ZFYVE28: variants seen among roughly 807,000 people sequenced by gnomAD.
ZFYVE28 encodes lateral signaling target protein 2 homolog.
ZFYVE28 carries 40 observed loss-of-function variants against 82.1 expected under a neutral mutation model. The observed-to-expected ratio is 0.49, with a 90% CI of 0.38 to 0.63. ZFYVE28 has a LOEUF of 0.63. ZFYVE28 is among the 30% of genes least tolerant of loss of function. ZFYVE28 has a pLI of 0.00. For missense variants in ZFYVE28, 1,321 were observed against 1,242.1 expected, an observed-to-expected ratio of 1.06 and a Z score of -0.96; for synonymous variants, 612 against 546.1, an observed-to-expected ratio of 1.12 and a Z score of -1.68.
chr4:2,350,555 T>G (rs1357900335), intron 2 of ZFYVE28, among the ~76,000 whole-genome samples: 1 of 152,154 alleles, frequency 6.6e-6, no homozygotes, highest in East Asian at 1.9e-4. Flanking sequence ...CTAAAAAGCC[T>G]TGGACTCTCC....
At chr4:2,311,693 A>G (rs1344173112) in intron 7 of ZFYVE28, among the ~76,000 whole-genome samples, 3 of 152,156 alleles carry the variant, frequency 2.0e-5, no homozygotes, top group African/African-American at 7.2e-5. Flanking sequence ...TATATAATTG[A>G]ATTTCATCCT....
intron 1 of ZFYVE28, among the ~76,000 whole-genome samples, chr4:2,382,233 A>T (rs1728798677): frequency 6.6e-6 from 1 of 152,228 alleles, no homozygotes. Flanking sequence ...GCCCCCACAC[A>T]GAGTCCCTAC....
At chr4:2,276,321 C>T (rs1736442050) in intron 8 of ZFYVE28, among the ~76,000 whole-genome samples, 1 of 152,214 alleles carries the variant, frequency 6.6e-6, no homozygotes, top group African/African-American at 2.4e-5. Flanking sequence ...GTGGCTCTCC[C>T]CTCCCAGGTG....
At chr4:2,401,470 G>A (rs1327089057) in intron 1 of ZFYVE28, among the ~76,000 whole-genome samples, 2 of 152,194 alleles carry the variant, frequency 1.3e-5, no homozygotes, top group Non-Finnish European at 2.9e-5. Context: ...TCCCGGCCGG[G>A]CAGCACTCAG....
intron 1 of ZFYVE28, among the ~76,000 whole-genome samples, chr4:2,363,675 C>T (rs561204175): frequency 1.1e-4 from 16 of 152,178 alleles, no homozygotes; most frequent in Non-Finnish European, 1.6e-4. Context: ...AGGTCACCAG[C>T]GCATGGAGGA....
At chr4:2,303,932 C>T (rs1476515234) in intron 8 of ZFYVE28, among the ~76,000 whole-genome samples, 2 of 152,250 alleles carry the variant, frequency 1.3e-5, no homozygotes, top group Non-Finnish European at 2.9e-5. Flanking sequence ...TCCCACTGCC[C>T]CGCACAGGCA....
In ZFYVE28 at chr4:2,373,944, C is replaced by A. The variant is rs1048333591; in HGVS notation, c.40-19871G>T. ...GCCTCCCTGTGTCCTCTCTCCTCAG[C>A]ACCGCCCCCCATCTCTCCCAGCCCC... On this transcript the variant is annotated intron_variant, in intron 1 of 12. Transcript: ENST00000290974. 7.9e-5 allele frequency among the ~76,000 whole-genome samples: 12 copies of A among 152,198 alleles called. 1 individual carries two copies. Among genetic ancestry groups the A allele is most frequent in the Middle Eastern group, 3.2e-3 (1 of 316 alleles).
At chr4:2,356,419 GTGTGCCCGCCCCCTCCCCGGCCGTTGA>G (rs143295648) in intron 1 of ZFYVE28, among the ~76,000 whole-genome samples, 81,115 of 148,090 alleles carry the variant, frequency 0.55, 22,427 homozygotes, top group East Asian at 0.67. Flanking sequence ...CCGGCAGTTG[GTGTGCCCGCCCCCTCCCCGGCCGTTGA>G]TGTGCCTGCC....
At position 2,409,382 on chromosome 4, in the gene ZFYVE28, A is replaced by G. The variant is rs1216091265; in HGVS notation, c.39+8903T>C. On this transcript the variant is annotated intron_variant, in intron 1 of 12. Transcript: ENST00000290974. The surrounding 1 kb of genome is among the most constrained non-coding windows in gnomAD (Gnocchi z 4.4). Reference sequence around the variant, plus strand: ...GCAGGCCTGGAAGGACCCCGCAAACAGCAGTGCTGACCCCATCATGCCCCC... The same window carrying G: ...GCAGGCCTGGAAGGACCCCGCAAACGGCAGTGCTGACCCCATCATGCCCCC... Among the ~76,000 whole-genome samples, 2 of 151,990 alleles carry G rather than the reference A, an allele frequency of 1.3e-5. No homozygotes were observed. Among genetic ancestry groups the G allele is most frequent in the African/African-American group, 4.8e-5 (2 of 41,346 alleles).
In ZFYVE28 at chr4:2,270,747, T is replaced by C; in HGVS notation, c.2642A>G (p.Tyr881Cys). Residue 881 changes from tyrosine (Y) to cysteine (C), a missense_variant, in exon 13 of 13, where the codon TAC (tyrosine) becomes TGC (cysteine). Coordinates refer to ENST00000290974, the MANE Select transcript of ZFYVE28 (RefSeq NM_020972.3). ...ACGTCACAGGCCGGCCTTGTCGCTG[T>C]AGAAGGGCGTGACATGGAACATGTA... ...HCYMFHVTPF[Y>C]SDKAGL 1 of 1,613,152 alleles carries C rather than the reference T, an allele frequency of 6.2e-7. No homozygotes were observed. The highest frequency in any genetic ancestry group is 1.7e-4 in the Middle Eastern group (1 of 6,060).
intron 1 of ZFYVE28, among the ~76,000 whole-genome samples, chr4:2,401,280 G>A (rs1156489513): frequency 1.3e-5 from 2 of 152,202 alleles, no homozygotes; most frequent in African/African-American, 4.8e-5. Flanking sequence ...CCAAGGGGGA[G>A]GTGCCGATTC....
Position 2,273,254 on chromosome 4 carries a change from C to T in ZFYVE28, c.2242G>A (p.Asp748Asn). Residue 748 changes from aspartate (D) to asparagine (N), a missense_variant, in exon 10 of 13, where the codon GAC (aspartate) becomes AAC (asparagine). Coordinates refer to ENST00000290974, the MANE Select transcript of ZFYVE28 (RefSeq NM_020972.3). ...ADQLQTNYAS[D>N]LRSILKTLFE... ...AGTGTTTTAAGAATACTTCTCAGGT[C>T]ACTGGCATAGTTCGTCTGCAGCTGG... is the stretch of plus-strand genomic sequence containing the variant. 1 of 1,613,440 alleles carries T rather than the reference C, an allele frequency of 6.2e-7. No homozygotes were observed.
chr4:2,346,813 T>A, intron 2 of ZFYVE28, among the ~76,000 whole-genome samples: 1 of 148,428 alleles, frequency 6.7e-6, no homozygotes. Context: ...TACATAAAAA[T>A]TAAGAGAGGA....
Position 2,271,122 on chromosome 4 carries a change from C to T in ZFYVE28, c.2532+189G>A, listed in dbSNP as rs1328285622. ...TGCAGCAGCCGGGACTGGACATGGG[C>T]ACCATCCAGGTTCCCGTGGTCAAAT... On this transcript the variant is annotated intron_variant, in intron 12 of 12. Transcript: ENST00000290974. The T allele has an allele frequency of 6.8e-6, 5 of 740,604 alleles. No homozygotes were observed. In the Admixed American group the frequency reaches 1.1e-4, roughly 16 times the overall value. 45.9% of individuals were successfully genotyped at this position (740,604 alleles called of 1,614,324 possible). A position where few individuals can be genotyped will look rare whatever the true frequency, so the allele number is the denominator to read the frequency against.
intron 1 of ZFYVE28, among the ~76,000 whole-genome samples, chr4:2,383,655 A>C (rs1728953581): frequency 6.6e-6 from 1 of 152,020 alleles, no homozygotes; most frequent in African/African-American, 2.4e-5. Context: ...TTTTCATATC[A>C]CGCTTCAAGT....
At chr4:2,304,183 C>T (rs547627170) in intron 8 of ZFYVE28, 106 bp downstream of exon 8, 35 of 1,427,404 alleles carry the variant, frequency 2.5e-5, no homozygotes, top group African/African-American at 1.4e-4. Context: ...CTGCCGGTGG[C>T]CAAGATGGCT....
intron 8 of ZFYVE28, among the ~76,000 whole-genome samples, chr4:2,275,518 G>A (rs1455531541): frequency 1.3e-5 from 2 of 152,156 alleles, no homozygotes; most frequent in East Asian, 1.9e-4. Context: ...AGAAATATTC[G>A]TGATAATTTT....
At chr4:2,303,866 G>A (rs1267970237) in intron 8 of ZFYVE28, among the ~76,000 whole-genome samples, 1 of 152,242 alleles carries the variant, frequency 6.6e-6, no homozygotes, top group Non-Finnish European at 1.5e-5. Context: ...AAAGAGAAGT[G>A]GGCAGTGCGC....
At position 2,274,196 on chromosome 4, in the gene ZFYVE28, C is replaced by T. The variant is rs748450439; in HGVS notation, c.2072G>A (p.Cys691Tyr). Residue 691 changes from cysteine (C) to tyrosine (Y), a missense_variant, in exon 9 of 13, where the codon TGC becomes TAC. Transcript: ENST00000290974. ...SGSSSSTAGS[C>Y]SSDKMGPEAA... is the part of the protein sequence containing the mutation. ...CTCTGGCCCCATCTTGTCTGAGGAG[C>T]AGGACCCAGCTGTGGAGCTGCTGCA... The T allele has an allele frequency of 5.0e-6, 8 of 1,613,494 alleles. No individual in the cohort carries two copies. Among genetic ancestry groups the T allele is most frequent in the Non-Finnish European group, 6.8e-6 (8 of 1,179,870 alleles).
Sources: allele counts gnomAD v4.1 joint callset (sites outside exome capture counted in the v4.1 genomes callset), GRCh38; gene constraint gnomAD v4.1.1; non-coding constraint Gnocchi (gnomAD v3.1); transcripts MANE v1.5; gene names NCBI Gene and HGNC (gene_info 2026-07-23, HGNC 2026-07-21).